CYCS: variants seen among roughly 807,000 people sequenced by gnomAD.
CYCS encodes cytochrome c, somatic.
For missense variants in CYCS, 87 were observed against 125.3 expected (o/e 0.69, Z 1.46); for synonymous variants, 41 against 43.0 (o/e 0.95, Z 0.18).
chr7:25,121,466 C>A lies in CYCS; in HGVS notation c.*2235G>T, dbSNP rs1430327571. 1 of 152,168 alleles carries A rather than the reference C, an allele frequency of 6.6e-6. No individual in the cohort carries two copies. 9.4% of individuals were successfully genotyped at this position (152,168 alleles called of 1,614,324 possible). The stretch of plus-strand genomic sequence containing the variant: ...GCTGAGGCAGGAGAATCACTTGCAA[C>A]TGGAAGGCGGAGGTTGCAGTGAGAT... On this transcript the variant is annotated 3_prime_UTR_variant, in exon 3 of 3. Coordinates refer to ENST00000305786, the MANE Select transcript of CYCS (RefSeq NM_018947.6).
At chr7:25,123,905 T>C (rs1783400627) in intron 2 of CYCS, 46 bp downstream of exon 2, 1 of 1,614,152 alleles carries the variant, frequency 6.2e-7, no homozygotes, top group South Asian at 1.1e-5. Context: ...TGCCACATGT[T>C]ATATTCCTGC....
At position 25,123,492 on chromosome 7, in the gene CYCS, C is replaced by G; in HGVS notation, c.*209G>C. 1.8e-6 allele frequency: 1 copy of G among 569,726 alleles called. No individual in the cohort carries two copies. Among genetic ancestry groups the G allele is most frequent in the South Asian group, 2.0e-5 (1 of 49,710 alleles). The allele number at this position is 569,726 out of a possible 1,614,324, so 35.3% of individuals were successfully genotyped here. A position where few individuals can be genotyped will look rare whatever the true frequency, so the allele number is the denominator to read the frequency against. ...AAGGGGTAAACAGTGATACCATTTA[C>G]TGAATTGGAGTTACTATTAAAATTC... On this transcript the variant is annotated 3_prime_UTR_variant, in exon 3 of 3. Transcript: ENST00000305786.
Position 25,124,096 on chromosome 7 carries a change from C to T in CYCS, c.24G>A (p.Lys8=), listed in dbSNP as rs769988994. ...GGGAACACTTCATAATAAAAATCTT[C>T]TTGCCTTTCTCAACATCACCCATAT... MGDVEKG[K]KIFIMKCSQC... The change falls in exon 2 of 3, where the codon AAG becomes AAA. Residue 8 remains lysine (K), a synonymous_variant. Coordinates refer to ENST00000305786, the MANE Select transcript of CYCS (RefSeq NM_018947.6). 6.2e-7 allele frequency: 1 copy of T among 1,613,648 alleles called. No homozygotes were observed. Among genetic ancestry groups the T allele is most frequent in the Non-Finnish European group, 8.5e-7 (1 of 1,179,958 alleles).
rs1226072489 is a variant in CYCS at position 25,119,252 on chromosome 7, T to C, written c.*4449A>G. ...GATGACGGATTGCCAAAAGAGCTCA[T>C]GAATGAATATTTTCCATTCTAAGGA... On this transcript the variant is annotated 3_prime_UTR_variant, in exon 3 of 3. Transcript: ENST00000305786. Among the ~76,000 whole-genome samples the C allele has an allele frequency of 6.6e-6, 1 of 152,060 alleles. No individual in the cohort carries two copies. The highest frequency in any genetic ancestry group is 2.4e-5 in the African/African-American group (1 of 41,306).
chr7:25,119,035 GGT>G lies in CYCS; in HGVS notation c.*4664_*4665del, dbSNP rs1199245355. 6.6e-6 allele frequency among the ~76,000 whole-genome samples: 1 copy of G among 152,176 alleles called. No individual in the cohort carries two copies. The highest frequency in any genetic ancestry group is 2.4e-5 in the African/African-American group (1 of 41,442). ...CTAAGGATATGAACACCAGGACAAT[GGT>G]TATTCTGAGGCACAGAAAATACAGC... is the stretch of plus-strand genomic sequence containing the variant. On this transcript the variant is annotated 3_prime_UTR_variant, in exon 3 of 3. Coordinates refer to ENST00000305786, the MANE Select transcript of CYCS (RefSeq NM_018947.6).
At position 25,123,176 on chromosome 7, in the gene CYCS, A is replaced by G. The variant is rs1783389043; in HGVS notation, c.*525T>C. On this transcript the variant is annotated 3_prime_UTR_variant, in exon 3 of 3. Coordinates refer to ENST00000305786, the MANE Select transcript of CYCS (RefSeq NM_018947.6). ...TCAATAAGTAAAAGAAACCATTTTA[A>G]ATACAGGGAATTATAATTAGATTGG... The G allele has an allele frequency of 6.1e-6, 1 of 162,650 alleles. No individual in the cohort carries two copies. The highest frequency in any genetic ancestry group is 1.4e-5 in the Non-Finnish European group (1 of 73,638). 10.1% of individuals were successfully genotyped at this position (162,650 alleles called of 1,614,324 possible).
intron 1 of CYCS, 96 bp from the exon 2 acceptor site, chr7:25,124,223 G>T: frequency 1.1e-6 from 1 of 883,130 alleles, no homozygotes; most frequent in Non-Finnish European, 1.8e-6. Context: ...CCAATCCATT[G>T]CTAATTTATG....
intron 2 of CYCS, 38 bp downstream of exon 2, chr7:25,123,913 T>C (rs1783400825): frequency 1.2e-6 from 2 of 1,614,160 alleles, no homozygotes; most frequent in Non-Finnish European, 1.7e-6. Context: ...GTTATATTCC[T>C]GCATTTTGTG....
Position 25,122,695 on chromosome 7 carries a change from C to T in CYCS, c.*1006G>A, listed in dbSNP as rs1253901930. 6.6e-6 allele frequency: 1 copy of T among 152,194 alleles called. No individual in the cohort carries two copies. The highest frequency in any genetic ancestry group is 1.5e-5 in the Non-Finnish European group (1 of 68,036). The allele number at this position is 152,194 out of a possible 1,614,324, so 9.4% of individuals were successfully genotyped here. A position where few individuals can be genotyped will look rare whatever the true frequency, so the allele number is the denominator to read the frequency against. On this transcript the variant is annotated 3_prime_UTR_variant, in exon 3 of 3. Transcript: ENST00000305786. ...AGGCAGTCCTAGAAAACCAAGTAAA[C>T]AATCTAGCACCATGACTGGTTAACA...
At chr7:25,124,479 A>G (rs1022120450) in intron 1 of CYCS, among the ~76,000 whole-genome samples, 5 of 152,146 alleles carry the variant, frequency 3.3e-5, no homozygotes, top group Admixed American at 3.3e-4. Flanking sequence ...AATCACCACA[A>G]CCGCAACTTT....
rs1783342039 is a variant in CYCS, at chr7:25,120,487, G to T, written c.*3214C>A. On this transcript the variant is annotated 3_prime_UTR_variant, in exon 3 of 3. Transcript: ENST00000305786. ...AATACAGTAGCCACTAGCCACTTGT[G>T]CCTATGTAAATTTAAAATAAAATAC... The T allele has an allele frequency of 6.6e-6, 1 of 152,224 alleles. No homozygotes were observed. The highest frequency in any genetic ancestry group is 1.5e-5 in the Non-Finnish European group (1 of 68,052). 9.4% of individuals were successfully genotyped at this position (152,224 alleles called of 1,614,324 possible).
Position 25,123,545 on chromosome 7 carries a change from A to C in CYCS, c.*156T>G. The C allele has an allele frequency of 5.9e-6, 4 of 680,330 alleles. No individual in the cohort carries two copies. The highest frequency in any genetic ancestry group is 1.0e-5 in the Non-Finnish European group (4 of 394,576). 42.1% of individuals were successfully genotyped at this position (680,330 alleles called of 1,614,324 possible). On this transcript the variant is annotated 3_prime_UTR_variant, in exon 3 of 3. Coordinates refer to ENST00000305786, the MANE Select transcript of CYCS (RefSeq NM_018947.6). Reference sequence around the variant, plus strand: ...AAACTGAACATATTCATTTAACCACAAGCCAGTCTTAGTTTTAAATCAGGA... The same window carrying C: ...AAACTGAACATATTCATTTAACCACCAGCCAGTCTTAGTTTTAAATCAGGA...
intron 1 of CYCS, among the ~76,000 whole-genome samples, chr7:25,124,491 A>T (rs1483876948): frequency 6.6e-6 from 1 of 152,210 alleles, no homozygotes. Context: ...CGCAACTTTT[A>T]AAAAGACCTA....
At position 25,124,090 on chromosome 7, in the gene CYCS, A is replaced by T. The variant is rs1335621384; in HGVS notation, c.30T>A (p.Ile10=). 1.2e-6 allele frequency: 2 copies of T among 1,613,816 alleles called. No individual in the cohort carries two copies. The highest frequency in any genetic ancestry group is 1.7e-5 in the Admixed American group (1 of 60,012). MGDVEKGKK[I]FIMKCSQCHT... ...GGCACTGGGAACACTTCATAATAAA[A>T]ATCTTCTTGCCTTTCTCAACATCAC... The change falls in exon 2 of 3, where the codon ATT becomes ATA. Residue 10 remains isoleucine, a synonymous_variant. Coordinates refer to ENST00000305786, the MANE Select transcript of CYCS (RefSeq NM_018947.6).
intron 1 of CYCS, 32 bp from the exon 2 acceptor site, chr7:25,124,159 T>C (rs753489674): frequency 6.3e-7 from 1 of 1,579,464 alleles, no homozygotes; most frequent in African/African-American, 1.3e-5. Context: ...TAGTAAATTT[T>C]TCCTCAGGTA....
rs544094714 is a variant in CYCS at position 25,122,108 on chromosome 7, A to G, written c.*1593T>C. 6.6e-6 allele frequency: 1 copy of G among 152,028 alleles called. No individual in the cohort carries two copies. Among genetic ancestry groups the G allele is most frequent in the African/African-American group, 2.4e-5 (1 of 41,434 alleles). 9.4% of individuals were successfully genotyped at this position (152,028 alleles called of 1,614,324 possible). ...TGTCCCCTTGTAAGCTACTTGCTAC[A>G]CTGTCCCTGAATACCACTAACTTTA... On this transcript the variant is annotated 3_prime_UTR_variant, in exon 3 of 3. Transcript: ENST00000305786.
rs1783377814 is a variant in CYCS at position 25,122,412 on chromosome 7, T to G, written c.*1289A>C. ...GTCCCACAAAGATACAGTTCTCAGCTGCACCAGCATAGATTTATTTTCTCA... is the reference window on the plus strand; with the variant it reads ...GTCCCACAAAGATACAGTTCTCAGCGGCACCAGCATAGATTTATTTTCTCA... On this transcript the variant is annotated 3_prime_UTR_variant, in exon 3 of 3. Coordinates refer to ENST00000305786, the MANE Select transcript of CYCS (RefSeq NM_018947.6). The G allele has an allele frequency of 6.6e-6, 1 of 152,282 alleles. No homozygotes were observed. Among genetic ancestry groups the G allele is most frequent in the African/African-American group, 2.4e-5 (1 of 41,482 alleles). 9.4% of individuals were successfully genotyped at this position (152,282 alleles called of 1,614,324 possible). A position where few individuals can be genotyped will look rare whatever the true frequency, so the allele number is the denominator to read the frequency against.
Position 25,123,663 on chromosome 7 carries a change from C to T in CYCS, c.*38G>A. The T allele has an allele frequency of 1.9e-6, 3 of 1,567,308 alleles. No individual in the cohort carries two copies. The highest frequency in any genetic ancestry group is 2.6e-6 in the Non-Finnish European group (3 of 1,152,204). ...TGGTACACATAAAAAAGTCATGAGA[C>T]ATTTCTGTTTTGTAATAAATAAGGC... On this transcript the variant is annotated 3_prime_UTR_variant, in exon 3 of 3. Coordinates refer to ENST00000305786, the MANE Select transcript of CYCS (RefSeq NM_018947.6).
chr7:25,124,019 T>C lies in CYCS; in HGVS notation c.101A>G (p.His34Arg). The change falls in exon 2 of 3, where the codon CAT (histidine) becomes CGT (arginine). Residue 34 changes from histidine to arginine, a missense_variant. Physicochemically the swap from His to Arg is conservative, Grantham distance 29 (BLOSUM62 0). Transcript: ENST00000305786. ...GGKHKTGPNLHGLFGRKTGQA... is the reference protein window; with the variant it reads ...GGKHKTGPNLRGLFGRKTGQA... ...ACCTGTCTTCCGCCCAAAGAGACCA[T>C]GGAGATTTGGCCCAGTCTTGTGCTT... is the stretch of plus-strand genomic sequence containing the variant. 6.2e-7 allele frequency: 1 copy of C among 1,614,136 alleles called. No homozygotes were observed. Among genetic ancestry groups the C allele is most frequent in the Non-Finnish European group, 8.5e-7 (1 of 1,179,994 alleles).
Sources: allele counts gnomAD v4.1 joint callset (sites outside exome capture counted in the v4.1 genomes callset), GRCh38; gene constraint gnomAD v4.1.1; transcripts MANE v1.5; gene names NCBI Gene and HGNC (gene_info 2026-07-23, HGNC 2026-07-21).